MEI1: variants seen among roughly 807,000 people sequenced by gnomAD.
The protein encoded by MEI1 is meiotic double-stranded break formation protein 1, also known as meiosis inhibitor protein 1.
A neutral mutation model predicts 146.2 loss-of-function variants in MEI1; 103 were observed. That is an observed-to-expected ratio of 0.70 (90% CI 0.60 to 0.83). The LOEUF (loss-of-function observed/expected upper bound fraction) is 0.83, where lower values mean the gene tolerates loss of function less well. Among genes scored for constraint, MEI1 ranks in the 40% least tolerant of loss-of-function variants. The pLI is 0.00. For missense variants in MEI1, 1,529 were observed against 1,533.0 expected (o/e 1.00, Z 0.04); for synonymous variants, 652 against 628.2 (o/e 1.04, Z -0.57).
chr22:41,770,159 A>G (rs746618368), intron 19 of MEI1, among the ~76,000 whole-genome samples: 5 of 151,966 alleles, frequency 3.3e-5, no homozygotes, highest in Non-Finnish European at 5.9e-5. Context: ...AAATTATTCA[A>G]CATATCTCCC....
intron 15 of MEI1, 61 bp from the exon 16 acceptor site, chr22:41,752,530 G>C: frequency 1.4e-6 from 2 of 1,450,608 alleles, no homozygotes; most frequent in Non-Finnish European, 1.9e-6. Flanking sequence ...ACCCAGGCTT[G>C]GGACTCTCTG....
chr22:41,752,677 A>G, intron 16 of MEI1, 26 bp downstream of exon 16: 1 of 1,576,204 alleles, frequency 6.3e-7, no homozygotes, highest in Non-Finnish European at 8.6e-7. Context: ...GGCAAGATTG[A>G]GTGGCCAAGG....
chr22:41,774,782 T>C (rs1223272962), intron 20 of MEI1, among the ~76,000 whole-genome samples: 1 of 152,252 alleles, frequency 6.6e-6, no homozygotes, highest in East Asian at 1.9e-4. Flanking sequence ...ACAGCTACTG[T>C]ATAAACACAA....
intron 13 of MEI1, 148 bp from the exon 14 acceptor site, chr22:41,745,737 T>G (rs552596380): frequency 1.5e-6 from 1 of 681,448 alleles, no homozygotes; most frequent in African/African-American, 1.8e-5. Flanking sequence ...CTCCTCATTG[T>G]GGTCTATTGA....
chr22:41,753,177 C>T (rs1362286457), intron 16 of MEI1, among the ~76,000 whole-genome samples: 1 of 152,174 alleles, frequency 6.6e-6, no homozygotes, highest in Non-Finnish European at 1.5e-5. Flanking sequence ...GCCACCATTC[C>T]TGGCTAATTT....
intron 5 of MEI1, among the ~76,000 whole-genome samples, chr22:41,716,672 GCCTTC>G (rs2070218606): frequency 6.9e-6 from 1 of 144,866 alleles, no homozygotes; most frequent in Non-Finnish European, 1.5e-5. Flanking sequence ...CACCACGCTG[GCCTTC>G]CATTCATTCT....
At chr22:41,753,778 C>T (rs1020799418) in intron 16 of MEI1, 171 bp from the exon 17 acceptor site, 3 of 572,512 alleles carry the variant, frequency 5.2e-6, no homozygotes, top group Admixed American at 2.9e-5. Context: ...TGTGCCCAGC[C>T]CCATATTTAC....
chr22:41,747,249 T>G (rs1352289752), intron 14 of MEI1: 1 of 151,720 alleles, frequency 6.6e-6, no homozygotes, highest in East Asian at 1.9e-4. Flanking sequence ...TTTTTTTTTT[T>G]TTTAATTCAG....
intron 12 of MEI1, among the ~76,000 whole-genome samples, chr22:41,743,709 C>CT (rs1004210779): frequency 2.6e-5 from 4 of 152,180 alleles, no homozygotes; most frequent in African/African-American, 9.7e-5. Context: ...AAACTAAGCT[C>CT]TTTACACCTG....
intron 26 of MEI1, among the ~76,000 whole-genome samples, chr22:41,790,162 A>C (rs1175883025): frequency 1.3e-5 from 2 of 152,002 alleles, no homozygotes; most frequent in African/African-American, 4.8e-5. Context: ...GGCTCACTGC[A>C]ACCTCTGCCT....
intron 14 of MEI1, among the ~76,000 whole-genome samples, chr22:41,746,609 G>A (rs1465550965): frequency 6.6e-6 from 1 of 152,166 alleles, no homozygotes; most frequent in Non-Finnish European, 1.5e-5. Context: ...TGAGATGGTG[G>A]GAAGAGCAGG....
At chr22:41,797,340 C>T (rs772428708) in intron 30 of MEI1, among the ~76,000 whole-genome samples, 4 of 151,658 alleles carry the variant, frequency 2.6e-5, no homozygotes, top group African/African-American at 7.3e-5. Context: ...TGGCCAGACG[C>T]GTGGCTCACG....
chr22:41,750,184 T>A (rs955244473), intron 15 of MEI1, among the ~76,000 whole-genome samples: 2 of 151,994 alleles, frequency 1.3e-5, no homozygotes, highest in Admixed American at 1.3e-4. Flanking sequence ...TTCTTCAAAG[T>A]TGAGGGTGTA....
At chr22:41,797,607 G>A (rs1029276519) in intron 30 of MEI1, among the ~76,000 whole-genome samples, 8 of 151,990 alleles carry the variant, frequency 5.3e-5, no homozygotes, top group Non-Finnish European at 1.2e-4. Flanking sequence ...GCAAGACTCC[G>A]TCTCAAAAAA....
chr22:41,794,086 G>A, intron 27 of MEI1, 176 bp downstream of exon 27: 1 of 684,000 alleles, frequency 1.5e-6, no homozygotes, highest in Non-Finnish European at 2.5e-6. Context: ...GATCAATAAG[G>A]TTCAGATAGG....
rs1014839730 is a variant in MEI1, at chr22:41,754,586, A to G, written c.1951+540A>G. On this transcript the variant is annotated intron_variant, in intron 17 of 30. Transcript: ENST00000401548. ...GTAGCTGGGATTACAGGCTCCTGCC[A>G]CCACGCCTGGCTAATTTTTGCATTT... 6.6e-5 allele frequency among the ~76,000 whole-genome samples: 10 copies of G among 152,240 alleles called. No homozygotes were observed. The South Asian group carries it at 1.9e-3, about 28-fold the overall frequency.
chr22:41,791,677 C>T (rs2076188220), intron 26 of MEI1, among the ~76,000 whole-genome samples: 1 of 152,098 alleles, frequency 6.6e-6, no homozygotes, highest in Non-Finnish European at 1.5e-5. Flanking sequence ...TGGAGAATGT[C>T]CACACAAAAC....
chr22:41,743,350 A>G (rs536002206), intron 12 of MEI1, among the ~76,000 whole-genome samples, 156 bp downstream of exon 12: 1 of 152,344 alleles, frequency 6.6e-6, no homozygotes, highest in African/African-American at 2.4e-5. Flanking sequence ...TAGCAGAACT[A>G]TGAAGCTTAA....
rs1320269917 is a variant in MEI1 at position 41,721,975 on chromosome 22, T to TC, written c.734-1965dup. ...ACCTCGTGATCTGCCTGCCTCGGCC[T>TC]CCCAAAGTGTTGGGATTACAGGCGT... is the stretch of plus-strand genomic sequence containing the variant. On this transcript the variant is annotated intron_variant, in intron 6 of 30. Transcript: ENST00000401548. The TC allele has an allele frequency of 2.0e-5, 3 of 151,246 alleles. No individual in the cohort carries two copies. The East Asian group carries it at 5.8e-4, about 29-fold the overall frequency. The allele number at this position is 151,246 out of a possible 1,614,324, so 9.4% of individuals were successfully genotyped here.
Sources: gnomAD v4.1 joint callset for allele counts (sites outside exome capture counted in the v4.1 genomes callset) on GRCh38, gnomAD v4.1.1 for gene constraint, MANE v1.5 for transcripts, NCBI Gene and HGNC (gene_info 2026-07-23, HGNC 2026-07-21) for gene names.